PGM2: variants seen among roughly 807,000 people sequenced by gnomAD.
PGM2 encodes the protein phosphoglucomutase 2.
PGM2 carries 57 observed loss-of-function variants against 74.6 expected under a neutral mutation model. The ratio of observed to expected loss-of-function variants is 0.76; its 90% CI spans 0.62 to 0.95. The LOEUF (loss-of-function observed/expected upper bound fraction) is 0.95. PGM2 is among the 40% of genes least tolerant of loss of function. The probability of loss-of-function intolerance (pLI) is 0.00; values close to 1 mark genes in which losing one functional copy is unlikely to be tolerated. For missense variants in PGM2, 706 were observed against 741.9 expected, an observed-to-expected ratio of 0.95 and a Z score of 0.56; for synonymous variants, 273 against 260.7, an observed-to-expected ratio of 1.05 and a Z score of -0.46.
rs144125166 is a variant in PGM2, at chr4:37,840,104, C to G, written c.564C>G (p.His188Gln). The G allele has an allele frequency of 6.2e-7, 1 of 1,613,898 alleles. No individual in the cohort carries two copies. The highest frequency in any genetic ancestry group is 2.2e-5 in the East Asian group (1 of 44,866). Residue 188 changes from histidine (H) to glutamine (Q), a missense_variant, in exon 6 of 14, where the codon CAC (histidine) becomes CAG (glutamine). Transcript: ENST00000381967. Reference sequence around the variant, plus strand: ...ATGGAGCTCAGATCATTTCTCCTCACGATAAAGGGATTTCTCAAGCTATTG... The same window carrying G: ...ATGGAGCTCAGATCATTTCTCCTCAGGATAAAGGGATTTCTCAAGCTATTG... ...WDNGAQIISPHDKGISQAIEE... is the reference protein window; with the variant it reads ...WDNGAQIISPQDKGISQAIEE...
chr4:37,845,337 C>A (rs1007434747), intron 7 of PGM2, among the ~76,000 whole-genome samples: 1 of 152,216 alleles, frequency 6.6e-6, no homozygotes, highest in Non-Finnish European at 1.5e-5. Context: ...CCCCGAAATA[C>A]CAGTCCAACC....
intron 12 of PGM2, among the ~76,000 whole-genome samples, chr4:37,852,498 A>G (rs997451298): frequency 1.7e-5 from 2 of 120,018 alleles, no homozygotes; most frequent in Admixed American, 8.5e-5. Context: ...ATTTTCCTAG[A>G]TCACATCCTC....
chr4:37,833,441 G>A (rs1013046558), intron 2 of PGM2, among the ~76,000 whole-genome samples: 6 of 152,150 alleles, frequency 3.9e-5, no homozygotes, highest in Admixed American at 1.3e-4. Flanking sequence ...TGTGCCTGTA[G>A]TCCCAGCACC....
At chr4:37,834,575 A>C in intron 2 of PGM2, 43 bp from the exon 3 acceptor site, 2 of 1,017,954 alleles carry the variant, frequency 2.0e-6, no homozygotes, top group Non-Finnish European at 3.0e-6. Context: ...TATATATAAA[A>C]ATATGTTAAA....
Position 37,850,336 on chromosome 4 carries a change from C to G in PGM2, c.1565C>G (p.Thr522Arg). 6.3e-7 allele frequency: 1 copy of G among 1,576,384 alleles called. No individual in the cohort carries two copies. Among genetic ancestry groups the G allele is most frequent in the Non-Finnish European group, 8.6e-7 (1 of 1,168,784 alleles). ...GAAATTTCTGCCATTAGGGACCTTACAACTGGCTATGATGATAGCCAACCT... is the reference window on the plus strand; with the variant it reads ...GAAATTTCTGCCATTAGGGACCTTAGAACTGGCTATGATGATAGCCAACCT... ...KFEISAIRDL[T>R]TGYDDSQPDK... is the part of the protein sequence containing the mutation. The change falls in exon 12 of 14, where the codon ACA (threonine) becomes AGA (arginine). Residue 522 changes from threonine (T) to arginine (R), a missense_variant. This residue lies in a region of PGM2 where 359 missense variants were observed against 371.1 expected (regional missense o/e 0.97). Coordinates refer to ENST00000381967, the MANE Select transcript of PGM2 (RefSeq NM_018290.4).
intron 6 of PGM2, among the ~76,000 whole-genome samples, chr4:37,841,408 C>T (rs1236587432): frequency 6.6e-6 from 1 of 151,900 alleles, no homozygotes; most frequent in Non-Finnish European, 1.5e-5. Flanking sequence ...GATTGTCCCC[C>T]TAGCAAGAAA....
intron 2 of PGM2, 50 bp from the exon 3 acceptor site, chr4:37,834,568 A>G (rs1255580990): frequency 2.2e-6 from 2 of 921,874 alleles, no homozygotes; most frequent in East Asian, 2.5e-5. Flanking sequence ...TATATGGTAT[A>G]TATAAAAATA....
chr4:37,828,891 T>C (rs529778033), intron 1 of PGM2, among the ~76,000 whole-genome samples: 1 of 152,370 alleles, frequency 6.6e-6, no homozygotes, highest in East Asian at 1.9e-4. Context: ...AATTAGCATC[T>C]GCTGTTTTTC....
intron 3 of PGM2, among the ~76,000 whole-genome samples, chr4:37,835,201 A>T (rs1192620948): frequency 6.6e-6 from 1 of 152,168 alleles, no homozygotes; most frequent in Non-Finnish European, 1.5e-5. Context: ...ACACTTATGT[A>T]TTTACTCATT....
At chr4:37,827,028 C>T (rs1050877068) in intron 1 of PGM2, among the ~76,000 whole-genome samples, 2 of 152,258 alleles carry the variant, frequency 1.3e-5, no homozygotes, top group Non-Finnish European at 2.9e-5. Context: ...GGCTTGTCCC[C>T]GGACGAAACC....
intron 13 of PGM2, among the ~76,000 whole-genome samples, chr4:37,856,496 G>A (rs1726203551): frequency 6.6e-6 from 1 of 152,120 alleles, no homozygotes; most frequent in Admixed American, 6.6e-5. Context: ...GGCACAGAGA[G>A]CCTCATCAGA....
Position 37,846,913 on chromosome 4 carries a change from G to GTT in PGM2, c.1008-9_1008-8dup. ...ATTATGGAAATGAATGGTGGTTGTT[G>GTT]TTTTTTTTTTCTTTCAGTGGTGAAT... On this transcript the variant is annotated splice_polypyrimidine_tract_variant and intron_variant, in intron 8 of 13. Coordinates refer to ENST00000381967, the MANE Select transcript of PGM2 (RefSeq NM_018290.4). 2.9e-5 allele frequency: 38 copies of GTT among 1,329,780 alleles called. No individual in the cohort carries two copies. The highest frequency in any genetic ancestry group is 4.2e-5 in the South Asian group (3 of 71,424). 82.4% of individuals were successfully genotyped at this position (1,329,780 alleles called of 1,614,324 possible).
At position 37,827,663 on chromosome 4, in the gene PGM2, C is replaced by CT. The variant is rs149909444; in HGVS notation, c.81+851dup. On this transcript the variant is annotated intron_variant, in intron 1 of 13. Transcript: ENST00000381967. ...ATCCCTAATATTCACTCTAAACAGT[C>CT]TGTTATTTTCCTTTATAGCTCTTAC... is the stretch of plus-strand genomic sequence containing the variant. Among the ~76,000 whole-genome samples, 548 of 152,282 alleles carry CT rather than the reference C, an allele frequency of 3.6e-3. 8 individuals carry two copies. The highest frequency in any genetic ancestry group is 0.013 in the African/African-American group (529 of 41,542).
At chr4:37,857,251 C>T (rs766992887) in intron 13 of PGM2, among the ~76,000 whole-genome samples, 54 of 152,168 alleles carry the variant, frequency 3.5e-4, no homozygotes, top group Non-Finnish European at 5.3e-4. Context: ...CTAATGGCCG[C>T]TGTAGTAAAC....
chr4:37,834,953 A>G (rs900523279), intron 3 of PGM2, among the ~76,000 whole-genome samples: 1 of 152,176 alleles, frequency 6.6e-6, no homozygotes, highest in South Asian at 2.1e-4. Flanking sequence ...AAAGAAAGAA[A>G]TTTCTTAAAC....
chr4:37,858,175 G>GA (rs1029669330), intron 13 of PGM2, among the ~76,000 whole-genome samples: 98 of 152,088 alleles, frequency 6.4e-4, no homozygotes, highest in African/African-American at 2.3e-3. Flanking sequence ...ATAAATTAGT[G>GA]AAAAAAACCT....
chr4:37,838,260 AT>A (rs1725621876), intron 4 of PGM2, among the ~76,000 whole-genome samples: 1 of 152,224 alleles, frequency 6.6e-6, no homozygotes, highest in Non-Finnish European at 1.5e-5. Flanking sequence ...CGAAATCTGA[AT>A]TCACCTCAAA....
At chr4:37,851,970 C>CTTTCTTTCTTT (rs374297092) in intron 12 of PGM2, among the ~76,000 whole-genome samples, 20 of 135,004 alleles carry the variant, frequency 1.5e-4, no homozygotes, top group African/African-American at 5.4e-4. Context: ...TGTTTGTTTT[C>CTTTCTTTCTTT]TTTTTTTTTG....
chr4:37,849,019 G>A (rs910629220), intron 11 of PGM2, among the ~76,000 whole-genome samples: 1 of 149,782 alleles, frequency 6.7e-6, no homozygotes, highest in East Asian at 2.0e-4. Flanking sequence ...GCAGTGAGCC[G>A]AGATCGCGCC....
Sources: gnomAD v4.1 joint callset for allele counts (sites outside exome capture counted in the v4.1 genomes callset) on GRCh38, gnomAD v4.1.1 for gene constraint, gnomAD v4.1.1 regional missense constraint, MANE v1.5 for transcripts, NCBI Gene and HGNC (gene_info 2026-07-23, HGNC 2026-07-21) for gene names.